ZNF292: variants seen among roughly 807,000 people sequenced by gnomAD.
The protein encoded by ZNF292 is zinc finger protein 292.
ZNF292 carries 26 observed loss-of-function variants against 217.9 expected under a neutral mutation model. The observed-to-expected ratio is 0.12, with a 90% CI of 0.09 to 0.17. The LOEUF (loss-of-function observed/expected upper bound fraction) is 0.17, where lower values mean the gene tolerates loss of function less well. Ranked by LOEUF, ZNF292 falls within the 10% of genes least tolerant of loss-of-function variation. The probability of loss-of-function intolerance (pLI) is 1.00; values close to 1 mark genes in which losing one functional copy is unlikely to be tolerated. For missense variants in ZNF292, 2,904 were observed against 3,175.2 expected, an observed-to-expected ratio of 0.91 and a Z score of 2.05; for synonymous variants, 1,257 against 1,124.1, an observed-to-expected ratio of 1.12 and a Z score of -2.37.
At chr6:87,250,370 A>G (rs1230686558) in intron 7 of ZNF292, among the ~76,000 whole-genome samples, 2 of 152,078 alleles carry the variant, frequency 1.3e-5, no homozygotes, top group Non-Finnish European at 2.9e-5. Context: ...CAGAAATTGC[A>G]GTGAGCCAAG....
At chr6:87,207,733 A>G (rs894838955) in intron 1 of ZNF292, among the ~76,000 whole-genome samples, 3 of 152,028 alleles carry the variant, frequency 2.0e-5, no homozygotes, top group African/African-American at 7.3e-5. Context: ...ATTCAATCCA[A>G]ATTCTCCCTC....
intron 1 of ZNF292, among the ~76,000 whole-genome samples, chr6:87,200,711 A>C (rs1772078382): frequency 1.3e-5 from 2 of 152,222 alleles, no homozygotes; most frequent in Admixed American, 1.3e-4. Context: ...CTACAAAGAG[A>C]GTAGGCCCTG....
intron 4 of ZNF292, among the ~76,000 whole-genome samples, chr6:87,231,510 C>T (rs1174608656): frequency 6.6e-6 from 1 of 152,136 alleles, no homozygotes. Context: ...TTTCCTTCTA[C>T]TCAAATATTC....
intron 1 of ZNF292, among the ~76,000 whole-genome samples, chr6:87,190,534 C>T (rs1417453070): frequency 2.0e-5 from 3 of 151,948 alleles, no homozygotes; most frequent in Non-Finnish European, 4.4e-5. Context: ...AGTGCAGTGG[C>T]GCAATCTTGG....
intron 1 of ZNF292, among the ~76,000 whole-genome samples, chr6:87,194,367 A>G (rs1925694): frequency 0.52 from 77,675 of 148,076 alleles, 20,073 homozygotes; most frequent in Admixed American, 0.62. Flanking sequence ...AAATTAGAAA[A>G]AAAAGTTCAA....
chr6:87,255,759 C>T lies in ZNF292; in HGVS notation c.2130C>T (p.Asp710=), dbSNP rs368233155. 49 of 1,613,620 alleles carry T rather than the reference C, an allele frequency of 3.0e-5. No individual in the cohort carries two copies. Among genetic ancestry groups the T allele is most frequent in the African/African-American group, 2.3e-4 (17 of 74,922 alleles). The change falls in exon 8 of 8, where the codon GAC becomes GAT. Residue 710 remains aspartate (D), a synonymous_variant. Coordinates refer to ENST00000369577, the MANE Select transcript of ZNF292 (RefSeq NM_015021.3). ...AHVKGHKDNE[D]AKRFLEMQSK... is the part of the protein sequence containing the mutation. ...TGAAGGGGCATAAAGATAATGAAGA[C>T]GCCAAGCGCTTTCTTGAAATGCAGA...
chr6:87,247,389 C>T (rs145991567), intron 7 of ZNF292, among the ~76,000 whole-genome samples: 1 of 152,104 alleles, frequency 6.6e-6, no homozygotes, highest in African/African-American at 2.4e-5. Flanking sequence ...ATAATACTGT[C>T]TAACACATAT....
chr6:87,191,227 A>G (rs1771811395), intron 1 of ZNF292, among the ~76,000 whole-genome samples: 1 of 152,150 alleles, frequency 6.6e-6, no homozygotes, highest in Non-Finnish European at 1.5e-5. Context: ...GGCCCACACT[A>G]GAAGAATTGT....
At chr6:87,157,141 C>CT (rs1356139407) in intron 1 of ZNF292, among the ~76,000 whole-genome samples, 1 of 152,148 alleles carries the variant, frequency 6.6e-6, no homozygotes, top group Non-Finnish European at 1.5e-5. Context: ...GCTGTATGCA[C>CT]TTTATTGTCA....
intron 7 of ZNF292, among the ~76,000 whole-genome samples, chr6:87,252,309 G>A (rs929962833): frequency 5.3e-5 from 8 of 151,910 alleles, no homozygotes; most frequent in African/African-American, 1.4e-4. Flanking sequence ...CCGCCACCAC[G>A]CCTGGCTAAT....
chr6:87,222,152 T>C lies in ZNF292; in HGVS notation c.538+3421T>C, dbSNP rs79750164. On this transcript the variant is annotated intron_variant, in intron 4 of 7. Coordinates refer to ENST00000369577, the MANE Select transcript of ZNF292 (RefSeq NM_015021.3). ...ATTCTTTTTAATCCTGATTTTGTTA[T>C]TCAAGGATTTTGTCCTTCCCAATTT... 4.2e-3 allele frequency among the ~76,000 whole-genome samples: 642 copies of C among 152,258 alleles called. 5 individuals are homozygous for C. Among genetic ancestry groups the C allele is most frequent in the Middle Eastern group, 0.017 (5 of 294 alleles).
chr6:87,221,008 G>A (rs576286710), intron 4 of ZNF292, among the ~76,000 whole-genome samples: 5 of 152,258 alleles, frequency 3.3e-5, no homozygotes, highest in African/African-American at 4.8e-5. Flanking sequence ...ATACTCATTC[G>A]TTTGTTTATA....
rs1272633284 is a variant in ZNF292, at chr6:87,260,332, G to A, written c.6703G>A (p.Val2235Ile). ...ATTTACTACATATTTGAACTATGTTGTTCATCTAGAGGCAGACCACGGGAT... is the reference window on the plus strand; with the variant it reads ...ATTTACTACATATTTGAACTATGTTATTCATCTAGAGGCAGACCACGGGAT... ...SSFTTYLNYV[V>I]HLEADHGIGL... The change falls in exon 8 of 8, where the codon GTT (valine) becomes ATT (isoleucine). Residue 2235 changes from valine to isoleucine, a missense_variant. Physicochemically the swap from Val to Ile is conservative, Grantham distance 29. Transcript: ENST00000369577. 2 of 1,613,364 alleles carry A rather than the reference G, an allele frequency of 1.2e-6. No individual in the cohort carries two copies. Among genetic ancestry groups the A allele is most frequent in the African/African-American group, 1.3e-5 (1 of 74,994 alleles).
chr6:87,258,498 G>C lies in ZNF292; in HGVS notation c.4869G>C (p.Lys1623Asn). 6.2e-7 allele frequency: 1 copy of C among 1,613,656 alleles called. No individual in the cohort carries two copies. The highest frequency in any genetic ancestry group is 8.5e-7 in the Non-Finnish European group (1 of 1,179,758). The change falls in exon 8 of 8, where the codon AAG becomes AAC. Residue 1623 changes from lysine to asparagine, a missense_variant. Transcript: ENST00000369577. Reference protein sequence around the residue: ...QNTRSSHLNKKGNSASKRRKK... With the variant: ...QNTRSSHLNKNGNSASKRRKK... ...CAAGATCCAGTCATTTAAATAAAAA[G>C]GGAAACAGTGCTTCTAAGAGAAGAA...
chr6:87,226,457 A>G (rs1439402113), intron 4 of ZNF292, among the ~76,000 whole-genome samples: 1 of 151,824 alleles, frequency 6.6e-6, no homozygotes, highest in Non-Finnish European at 1.5e-5. Flanking sequence ...TTGCCCAGGT[A>G]AATAGGGTGA....
chr6:87,253,302 C>T (rs1422912710), intron 7 of ZNF292, among the ~76,000 whole-genome samples: 1 of 147,834 alleles, frequency 6.8e-6, no homozygotes, highest in East Asian at 2.0e-4. Flanking sequence ...GATCTCTGCT[C>T]ACTGCAGCCT....
chr6:87,199,316 T>A (rs898681715), intron 1 of ZNF292, among the ~76,000 whole-genome samples: 5 of 152,240 alleles, frequency 3.3e-5, no homozygotes, highest in African/African-American at 1.2e-4. Context: ...ATTTAAATCT[T>A]TTGCCCATTT....
At chr6:87,189,887 C>T (rs1027420325) in intron 1 of ZNF292, among the ~76,000 whole-genome samples, 1 of 152,286 alleles carries the variant, frequency 6.6e-6, no homozygotes, top group South Asian at 2.1e-4. Flanking sequence ...TCTAGATAAA[C>T]TATTTGGGAT....
At chr6:87,193,461 G>T (rs1771872773) in intron 1 of ZNF292, among the ~76,000 whole-genome samples, 1 of 151,882 alleles carries the variant, frequency 6.6e-6, no homozygotes, top group Admixed American at 6.6e-5. Flanking sequence ...GATTGCTTGA[G>T]CCTGAGAGGT....
Sources: allele counts gnomAD v4.1 joint callset (sites outside exome capture counted in the v4.1 genomes callset), GRCh38; gene constraint gnomAD v4.1.1; transcripts MANE v1.5; gene names NCBI Gene and HGNC (gene_info 2026-07-23, HGNC 2026-07-21).